CD59: variants seen among roughly 807,000 people sequenced by gnomAD.
CD59 encodes the protein CD59 glycoprotein.
A neutral mutation model predicts 7.0 loss-of-function variants in CD59; 3 were observed. That is an observed-to-expected ratio of 0.43 (90% CI 0.19 to 1.10). The LOEUF is 1.10. Among genes scored for constraint, CD59 ranks in the 50% least tolerant of loss-of-function variants. The pLI is 0.29. For missense variants in CD59, 143 were observed against 151.0 expected, an observed-to-expected ratio of 0.95 and a Z score of 0.28; for synonymous variants, 60 against 62.0, an observed-to-expected ratio of 0.97 and a Z score of 0.15.
intron 1 of CD59, among the ~76,000 whole-genome samples, chr11:33,731,129 G>A (rs1161681469): frequency 6.6e-6 from 1 of 152,058 alleles, no homozygotes; most frequent in Admixed American, 6.6e-5. Context: ...GTCAACAGTA[G>A]GCTATTAGTA....
rs796424873 is a variant in CD59 at position 33,710,723 on chromosome 11, C to CT, written c.170-381dup. ...CTTGGGGATTTTTTCCTTTTCTTTT[C>CT]TTTTTTTTTTTTAGAGAGATAAGGT... On this transcript the variant is annotated intron_variant, in intron 3 of 3. Transcript: ENST00000642928. Among the ~76,000 whole-genome samples the CT allele has an allele frequency of 5.2e-3, 744 of 143,090 alleles. 5 individuals are homozygous for CT. The highest frequency in any genetic ancestry group is 0.013 in the African/African-American group (498 of 39,140). 93.9% of individuals were successfully genotyped at this position (143,090 alleles called of 152,430 possible).
chr11:33,730,839 C>T (rs555452361), intron 1 of CD59, among the ~76,000 whole-genome samples: 2 of 152,260 alleles, frequency 1.3e-5, no homozygotes, highest in South Asian at 4.1e-4. Flanking sequence ...CATGATGTTA[C>T]CAAAAAACAG....
chr11:33,725,355 T>C (rs1854225527), intron 1 of CD59, among the ~76,000 whole-genome samples: 1 of 150,588 alleles, frequency 6.6e-6, no homozygotes, highest in Non-Finnish European at 1.5e-5. Flanking sequence ...ACCAAAAGTG[T>C]TGCCATTCCA....
At chr11:33,732,291 G>A (rs1213626103) in intron 1 of CD59, among the ~76,000 whole-genome samples, 2 of 152,184 alleles carry the variant, frequency 1.3e-5, no homozygotes, top group African/African-American at 4.8e-5. Flanking sequence ...GGATTATGGG[G>A]TGGTTTCTAA....
At chr11:33,728,515 T>G (rs1438517308) in intron 1 of CD59, among the ~76,000 whole-genome samples, 2 of 152,084 alleles carry the variant, frequency 1.3e-5, no homozygotes, top group African/African-American at 4.8e-5. Flanking sequence ...TACACAAAAG[T>G]TAACTTAAGA....
Position 33,704,215 on chromosome 11 carries a change from C to G in CD59, c.*5911G>C, listed in dbSNP as rs1159190899. 1 of 139,532 alleles carries G rather than the reference C, an allele frequency of 7.2e-6. No homozygotes were observed. The highest frequency in any genetic ancestry group is 3.1e-5 in the African/African-American group (1 of 32,404). 8.6% of individuals were successfully genotyped at this position (139,532 alleles called of 1,614,324 possible). A position where few individuals can be genotyped will look rare whatever the true frequency, so the allele number is the denominator to read the frequency against. On this transcript the variant is annotated 3_prime_UTR_variant, in exon 4 of 4. Transcript: ENST00000642928. ...GAGTTGTGCCTGAATCTGGGACTCT[C>G]TGTGACCCTGGGAAAATCACATCAG...
rs1853247548 is a variant in CD59, at chr11:33,704,891, G to C, written c.*5235C>G. ...AAGCTATTCTGGGAAGCCCAGAACAGTCTTTCCTTTATTATTCATCTCAAT... is the reference window on the plus strand; with the variant it reads ...AAGCTATTCTGGGAAGCCCAGAACACTCTTTCCTTTATTATTCATCTCAAT... On this transcript the variant is annotated 3_prime_UTR_variant, in exon 4 of 4. Transcript: ENST00000642928. 1.3e-5 allele frequency: 2 copies of C among 152,584 alleles called. No homozygotes were observed. Among genetic ancestry groups the C allele is most frequent in the Non-Finnish European group, 2.9e-5 (2 of 68,038 alleles). The allele number at this position is 152,584 out of a possible 1,614,324, so 9.5% of individuals were successfully genotyped here.
intron 1 of CD59, among the ~76,000 whole-genome samples, chr11:33,734,685 A>G (rs914011966): frequency 3.3e-5 from 5 of 152,362 alleles, no homozygotes; most frequent in African/African-American, 1.2e-4. Context: ...CTCCCGTGTT[A>G]AGTACACATG....
intron 2 of CD59, chr11:33,717,770 T>C: frequency 2.6e-6 from 1 of 379,382 alleles, no homozygotes; most frequent in African/African-American, 2.1e-5. Context: ...AATGATGTGT[T>C]AAGAAGAAAT....
chr11:33,716,674 C>CGA (rs2133542661), intron 3 of CD59, among the ~76,000 whole-genome samples: 1 of 152,324 alleles, frequency 6.6e-6, no homozygotes, highest in African/African-American at 2.4e-5. Flanking sequence ...ATTCTGTAGT[C>CGA]TAACAAATTT....
Position 33,710,093 on chromosome 11 carries a change from G to C in CD59, c.*33C>G. On this transcript the variant is annotated 3_prime_UTR_variant, in exon 4 of 4. Transcript: ENST00000642928. ...AAGAGAAAGCGGACTACGCAGGAAC[G>C]GGGAGTTTGGGAGAAGCTCTCCTGG... 1 of 1,497,830 alleles carries C rather than the reference G, an allele frequency of 6.7e-7. No individual in the cohort carries two copies. The allele number at this position is 1,497,830 out of a possible 1,614,324, so 92.8% of individuals were successfully genotyped here.
intron 3 of CD59, among the ~76,000 whole-genome samples, chr11:33,711,040 A>T (rs370623420): frequency 4.8e-5 from 6 of 124,238 alleles, no homozygotes; most frequent in South Asian, 2.3e-4. Flanking sequence ...TTTAAAAAAA[A>T]AAAAATAAAG....
chr11:33,706,285 T>C lies in CD59; in HGVS notation c.*3841A>G, dbSNP rs1853304649. On this transcript the variant is annotated 3_prime_UTR_variant, in exon 4 of 4. Transcript: ENST00000642928. ...AACAGGAAGCTTTAGTTTAGATAAATAAGATTATCCATTACAAAAATTTTA... is the reference window on the plus strand; with the variant it reads ...AACAGGAAGCTTTAGTTTAGATAAACAAGATTATCCATTACAAAAATTTTA... 1 of 152,132 alleles carries C rather than the reference T, an allele frequency of 6.6e-6. No homozygotes were observed. The highest frequency in any genetic ancestry group is 1.5e-5 in the Non-Finnish European group (1 of 68,022). The allele number at this position is 152,132 out of a possible 1,614,324, so 9.4% of individuals were successfully genotyped here.
chr11:33,720,591 T>C (rs1854011451), intron 2 of CD59, among the ~76,000 whole-genome samples: 1 of 152,086 alleles, frequency 6.6e-6, no homozygotes, highest in South Asian at 2.1e-4. Context: ...TAGCCAGGCA[T>C]AGTGGCATGC....
At chr11:33,732,067 C>A (rs1308081525) in intron 1 of CD59, among the ~76,000 whole-genome samples, 1 of 152,170 alleles carries the variant, frequency 6.6e-6, no homozygotes, top group Non-Finnish European at 1.5e-5. Context: ...GTCTTGTCTG[C>A]TGCCAGTAAG....
chr11:33,727,741 C>T (rs904890899), intron 1 of CD59, among the ~76,000 whole-genome samples: 1 of 152,182 alleles, frequency 6.6e-6, no homozygotes, highest in Non-Finnish European at 1.5e-5. Flanking sequence ...TGTCTGTTTG[C>T]AGATGACATG....
chr11:33,722,642 G>C (rs1430310266), intron 1 of CD59, 179 bp from the exon 2 acceptor site: 1 of 1,458,430 alleles, frequency 6.9e-7, no homozygotes, highest in East Asian at 2.7e-5. Flanking sequence ...ATACCCTTGA[G>C]TAGGCTCAGT....
rs1420794854 is a variant in CD59, at chr11:33,724,527, C to T, written c.-18-2064G>A. Among the ~76,000 whole-genome samples the T allele has an allele frequency of 2.0e-5, 3 of 152,096 alleles. No individual in the cohort carries two copies. In the East Asian group the frequency reaches 5.8e-4, roughly 29 times the overall value. ...TGTACTGCATAGCACAATGCCTGGC[C>T]AAAGATGGCACTCAAAAAGCTGTGG... is the stretch of plus-strand genomic sequence containing the variant. On this transcript the variant is annotated intron_variant, in intron 1 of 3. Transcript: ENST00000642928.
rs570271238 is a variant in CD59, at chr11:33,725,612, G to A, written c.-18-3149C>T. Among the ~76,000 whole-genome samples the A allele has an allele frequency of 4.1e-4, 62 of 152,274 alleles. 1 individual carries two copies. The highest frequency in any genetic ancestry group is 1.2e-3 in the African/African-American group (51 of 41,554). The stretch of plus-strand genomic sequence containing the variant: ...AACGGCAGGCTTTCCTGGGTGGTGC[G>A]TAAGTTGACTCTAAAGTCATTTCCG... On this transcript the variant is annotated intron_variant, in intron 1 of 3. Transcript: ENST00000642928.
Sources: allele counts gnomAD v4.1 joint callset (sites outside exome capture counted in the v4.1 genomes callset), GRCh38; gene constraint gnomAD v4.1.1; transcripts MANE v1.5; gene names NCBI Gene and HGNC (gene_info 2026-07-23, HGNC 2026-07-21).